Variants in NRG3 observed in about 807,000 individuals in gnomAD.
NRG3 encodes neuregulin 3.
A neutral mutation model predicts 66.9 loss-of-function variants in NRG3; 31 were observed. The ratio of observed to expected loss-of-function variants is 0.46; its 90% CI spans 0.35 to 0.63. NRG3 has a LOEUF of 0.63. Among genes scored for constraint, NRG3 ranks in the 20% least tolerant of loss-of-function variants. The pLI, the probability that NRG3 is intolerant of heterozygous loss-of-function variation, is 0.00. For missense variants in NRG3, 910 were observed against 878.9 expected (o/e 1.04, Z -0.45); for synonymous variants, 393 against 359.4 (o/e 1.09, Z -1.06).
intron 2 of NRG3, among the ~76,000 whole-genome samples, chr10:82,734,868 A>C (rs1449848134): frequency 6.6e-6 from 1 of 152,022 alleles, no homozygotes; most frequent in Non-Finnish European, 1.5e-5. Context: ...AATTAAAAAA[A>C]ATAACTGAGT....
At chr10:82,467,325 G>C (rs1452114128) in intron 2 of NRG3, among the ~76,000 whole-genome samples, 3 of 152,170 alleles carry the variant, frequency 2.0e-5, no homozygotes, top group African/African-American at 7.2e-5. Flanking sequence ...AAGGTAGCAG[G>C]CTCTGGGCTT....
chr10:82,740,084 C>T (rs2058348207), intron 3 of NRG3, among the ~76,000 whole-genome samples: 1 of 151,166 alleles, frequency 6.6e-6, no homozygotes, highest in Admixed American at 6.6e-5. Context: ...TATCCCTTCT[C>T]TTTTCCTATT....
chr10:82,379,641 A>G (rs762591920), intron 2 of NRG3, among the ~76,000 whole-genome samples: 1 of 152,166 alleles, frequency 6.6e-6, no homozygotes, highest in Non-Finnish European at 1.5e-5. Context: ...TTTGACTCAA[A>G]TGTAGAATTT....
chr10:82,081,425 C>G lies in NRG3; in HGVS notation c.823+205262C>G, dbSNP rs541812293. ...TTTCCACTTGTGGTCCCTAAAAATG[C>G]AGAAATATCATAGGGAGTGAAAGTT... is the stretch of plus-strand genomic sequence containing the variant. On this transcript the variant is annotated intron_variant, in intron 1 of 8. Coordinates refer to ENST00000372141, the MANE Select transcript of NRG3 (RefSeq NM_001010848.4). Among the ~76,000 whole-genome samples the G allele has an allele frequency of 5.3e-3, 807 of 152,096 alleles. 3 individuals carry two copies. The highest frequency in any genetic ancestry group is 9.8e-3 in the Non-Finnish European group (669 of 67,984).
intron 1 of NRG3, among the ~76,000 whole-genome samples, chr10:82,008,235 G>A (rs1296441411): frequency 1.3e-5 from 2 of 152,188 alleles, no homozygotes; most frequent in Non-Finnish European, 2.9e-5. Flanking sequence ...AAGATCGGGA[G>A]GGAATAGTGC....
At chr10:82,093,095 C>T (rs1048372651) in intron 1 of NRG3, among the ~76,000 whole-genome samples, 1 of 152,152 alleles carries the variant, frequency 6.6e-6, no homozygotes, top group Non-Finnish European at 1.5e-5. Flanking sequence ...TATTAGTAGC[C>T]TTCCATGCAC....
At chr10:82,112,634 C>T (rs900015830) in intron 1 of NRG3, among the ~76,000 whole-genome samples, 1 of 152,156 alleles carries the variant, frequency 6.6e-6, no homozygotes, top group Non-Finnish European at 1.5e-5. Context: ...GAGCTTGCTA[C>T]AGACTGCTAA....
At chr10:82,420,429 A>G (rs2088975624) in intron 2 of NRG3, among the ~76,000 whole-genome samples, 1 of 152,178 alleles carries the variant, frequency 6.6e-6, no homozygotes, top group Non-Finnish European at 1.5e-5. Context: ...AACCAAGTGA[A>G]TTGGATTTCA....
chr10:81,999,500 G>C (rs923867289), intron 1 of NRG3, among the ~76,000 whole-genome samples: 3 of 152,098 alleles, frequency 2.0e-5, no homozygotes, highest in African/African-American at 7.2e-5. Flanking sequence ...AAAATGTATT[G>C]TTCAAGAAAA....
At chr10:82,971,933 T>C (rs1420435374) in intron 6 of NRG3, among the ~76,000 whole-genome samples, 1 of 152,188 alleles carries the variant, frequency 6.6e-6, no homozygotes, top group African/African-American at 2.4e-5. Flanking sequence ...GCAGGGTATA[T>C]CTTTACCAAT....
chr10:82,132,074 GAAT>G (rs1365099950), intron 1 of NRG3, among the ~76,000 whole-genome samples: 1 of 151,912 alleles, frequency 6.6e-6, no homozygotes, highest in Non-Finnish European at 1.5e-5. Context: ...GTACTATGTT[GAAT>G]AACAGTGGAG....
chr10:81,899,390 A>C (rs1225437597), intron 1 of NRG3, among the ~76,000 whole-genome samples: 1 of 152,216 alleles, frequency 6.6e-6, no homozygotes, highest in Non-Finnish European at 1.5e-5. Context: ...TTCATTATTT[A>C]TGCTGATTGA....
intron 1 of NRG3, among the ~76,000 whole-genome samples, chr10:82,120,521 C>G (rs541412426): frequency 3.9e-5 from 6 of 152,166 alleles, no homozygotes; most frequent in African/African-American, 1.4e-4. Flanking sequence ...ATGCATGATA[C>G]CTCCTTGGCT....
chr10:81,989,972 G>A (rs186112064), intron 1 of NRG3, among the ~76,000 whole-genome samples: 9 of 152,234 alleles, frequency 5.9e-5, no homozygotes, highest in Admixed American at 3.9e-4. Context: ...TGTTCAGGGG[G>A]CAAATTTTTT....
intron 1 of NRG3, among the ~76,000 whole-genome samples, chr10:82,270,327 T>C (rs1340354672): frequency 6.6e-6 from 1 of 152,182 alleles, no homozygotes; most frequent in African/African-American, 2.4e-5. Context: ...CATACTGTTG[T>C]CAGGTTCTAC....
intron 1 of NRG3, among the ~76,000 whole-genome samples, chr10:82,209,311 A>C (rs957153345): frequency 6.0e-5 from 9 of 150,514 alleles, no homozygotes; most frequent in African/African-American, 2.2e-4. Flanking sequence ...TATATTTTCA[A>C]TAATTTATAT....
chr10:82,831,966 A>T (rs2062551750), intron 3 of NRG3, among the ~76,000 whole-genome samples: 1 of 151,986 alleles, frequency 6.6e-6, no homozygotes, highest in African/African-American at 2.4e-5. Context: ...TTAGGAGCAG[A>T]CCTCTTTCAC....
chr10:82,619,805 G>T (rs556655238), intron 2 of NRG3, among the ~76,000 whole-genome samples: 2 of 152,140 alleles, frequency 1.3e-5, no homozygotes, highest in Non-Finnish European at 2.9e-5. Context: ...ACAGGGGGAA[G>T]ACAAACATCC....
rs567791661 is a variant in NRG3 at position 82,650,710 on chromosome 10, A to AT, written c.954-87861dup. Among the ~76,000 whole-genome samples the AT allele has an allele frequency of 4.5e-4, 69 of 152,296 alleles. 1 individual carries two copies. In the South Asian group the frequency reaches 0.01, roughly 22 times the overall value. On this transcript the variant is annotated intron_variant, in intron 2 of 8. Transcript: ENST00000372141. ...GACACAGAAAAAGTTTGAGGTACATATTTTTTCTTGGTAATCCAAAAGAAC... is the reference window on the plus strand; with the variant it reads ...GACACAGAAAAAGTTTGAGGTACATATTTTTTTCTTGGTAATCCAAAAGAAC...
Sources: gnomAD v4.1 joint callset for allele counts (sites outside exome capture counted in the v4.1 genomes callset) on GRCh38, gnomAD v4.1.1 for gene constraint, MANE v1.5 for transcripts, NCBI Gene and HGNC (gene_info 2026-07-23, HGNC 2026-07-21) for gene names.